COQ7: variants seen among roughly 807,000 people sequenced by gnomAD.
COQ7 encodes coenzyme Q7, hydroxylase, also known as NADPH-dependent 3-demethoxyubiquinone 3-hydroxylase, mitochondrial.
COQ7 carries 21 observed loss-of-function variants against 25.0 expected under a neutral mutation model. The observed-to-expected ratio is 0.84, with a 90% CI of 0.60 to 1.21. The LOEUF (loss-of-function observed/expected upper bound fraction) is 1.21. Among genes scored for constraint, COQ7 ranks in the 50% most tolerant of loss-of-function variants. The pLI is 0.00. For missense variants in COQ7, 311 were observed against 296.2 expected (o/e 1.05, Z -0.37); for synonymous variants, 125 against 112.4 (o/e 1.11, Z -0.71).
chr16:19,067,891 T>C (rs1962312200), intron 1 of COQ7, 154 bp downstream of exon 1: 12 of 1,490,956 alleles, frequency 8.0e-6, no homozygotes, highest in Non-Finnish European at 1.1e-5. Context: ...TCCGGGGCGC[T>C]GGCGGGCGGG....
In COQ7 at chr16:19,078,973, C is replaced by G. The variant is rs1035368530; in HGVS notation, c.*815C>G. 4 of 152,072 alleles carry G rather than the reference C, an allele frequency of 2.6e-5. No homozygotes were observed. Among genetic ancestry groups the G allele is most frequent in the Non-Finnish European group, 5.9e-5 (4 of 68,020 alleles). 9.4% of individuals were successfully genotyped at this position (152,072 alleles called of 1,614,324 possible). A position where few individuals can be genotyped will look rare whatever the true frequency, so the allele number is the denominator to read the frequency against. ...TGGGAGAGTGCTACAGTCTGTATGTCTGTGTCTCCCTAGAATTCATACGAT... is the reference window on the plus strand; with the variant it reads ...TGGGAGAGTGCTACAGTCTGTATGTGTGTGTCTCCCTAGAATTCATACGAT... On this transcript the variant is annotated 3_prime_UTR_variant, in exon 6 of 6. Coordinates refer to ENST00000321998, the MANE Select transcript of COQ7 (RefSeq NM_016138.5).
intron 3 of COQ7, among the ~76,000 whole-genome samples, chr16:19,074,267 T>C (rs1446823829): frequency 6.6e-6 from 1 of 152,006 alleles, no homozygotes; most frequent in Non-Finnish European, 1.5e-5. Context: ...GGCTCACACC[T>C]GTAATCCCAG....
At chr16:19,074,551 A>G (rs56743170) in intron 3 of COQ7, among the ~76,000 whole-genome samples, 6,459 of 151,988 alleles carry the variant, frequency 0.042, 191 homozygotes, top group South Asian at 0.13. Flanking sequence ...AAAACAAAAA[A>G]AAACAAACCA....
chr16:19,080,704 T>C (rs1237601696), downstream of COQ7, among the ~76,000 whole-genome samples: 1 of 152,136 alleles, frequency 6.6e-6, no homozygotes, highest in East Asian at 1.9e-4. Context: ...CAAAATTGTA[T>C]AAGATTTCTA....
At chr16:19,069,304 T>C (rs1275721700) in intron 1 of COQ7, among the ~76,000 whole-genome samples, 1 of 152,174 alleles carries the variant, frequency 6.6e-6, no homozygotes, top group South Asian at 2.1e-4. Context: ...CATTTCTGTT[T>C]ATAAAGTTAC....
At chr16:19,069,797 T>A (rs114460852) in intron 1 of COQ7, among the ~76,000 whole-genome samples, 2,142 of 152,038 alleles carry the variant, frequency 0.014, 41 homozygotes, top group African/African-American at 0.049. Flanking sequence ...TTTTTTTCTT[T>A]TTTTGAGACA....
downstream of COQ7, among the ~76,000 whole-genome samples, chr16:19,080,739 T>G (rs1354612236): frequency 6.6e-6 from 1 of 152,160 alleles, no homozygotes; most frequent in Non-Finnish European, 1.5e-5. Flanking sequence ...GAGTATATGA[T>G]ATCAATTATA....
chr16:19,080,687 T>C (rs1003236555), downstream of COQ7, among the ~76,000 whole-genome samples: 2 of 152,062 alleles, frequency 1.3e-5, no homozygotes, highest in East Asian at 1.9e-4. Context: ...TATATTAATA[T>C]ATGTTCCAAA....
intron 1 of COQ7, among the ~76,000 whole-genome samples, chr16:19,071,198 C>T (rs181912779): frequency 2.1e-4 from 32 of 152,274 alleles, no homozygotes; most frequent in Non-Finnish European, 4.4e-4. Context: ...TGCAGTGGCA[C>T]GATCTTGGCT....
chr16:19,070,025 C>T (rs1962474003), intron 1 of COQ7, among the ~76,000 whole-genome samples: 1 of 151,238 alleles, frequency 6.6e-6, no homozygotes, highest in East Asian at 2.0e-4. Context: ...CTCAAGCAGT[C>T]CACCTGCCTC....
chr16:19,074,234 T>A (rs1962715542), intron 3 of COQ7, 199 bp downstream of exon 3: 31 of 422,636 alleles, frequency 7.3e-5, no homozygotes, highest in East Asian at 1.7e-4. Flanking sequence ...GTCAGTACTT[T>A]AAAAAAAAAG....
intron 1 of COQ7, chr16:19,068,919 A>T: frequency 2.3e-6 from 1 of 440,824 alleles, no homozygotes; most frequent in South Asian, 1.7e-5. Flanking sequence ...TTAAAAAGTT[A>T]TGAAATTGTA....
rs1292084942 is a variant in COQ7 at position 19,078,243 on chromosome 16, T to C, written c.*85T>C. On this transcript the variant is annotated 3_prime_UTR_variant, in exon 6 of 6. Transcript: ENST00000321998. ...AGAGAAACAGGTGTACAGTTATCGT[T>C]GTACTTTTGTACAATGTGAATTTTG... 3 of 936,514 alleles carry C rather than the reference T, an allele frequency of 3.2e-6. No homozygotes were observed. Among genetic ancestry groups the C allele is most frequent in the Admixed American group, 5.9e-5 (2 of 33,726 alleles). 58.0% of individuals were successfully genotyped at this position (936,514 alleles called of 1,614,324 possible). A position where few individuals can be genotyped will look rare whatever the true frequency, so the allele number is the denominator to read the frequency against.
chr16:19,081,252 G>A (rs1384957622), downstream of COQ7, among the ~76,000 whole-genome samples: 2 of 152,124 alleles, frequency 1.3e-5, no homozygotes, highest in East Asian at 3.9e-4. Flanking sequence ...GTATTCTTAT[G>A]GCAATGTAGT....
chr16:19,082,824 A>AAT (rs55960142), downstream of COQ7, among the ~76,000 whole-genome samples: 134 of 151,820 alleles, frequency 8.8e-4, 1 homozygote, highest in South Asian at 0.027. Context: ...CAATTTTAAA[A>AAT]CATGCTAAGT....
chr16:19,083,091 T>C (rs1963121219), downstream of COQ7, among the ~76,000 whole-genome samples: 1 of 152,184 alleles, frequency 6.6e-6, no homozygotes, highest in African/African-American at 2.4e-5. Flanking sequence ...TTGTGAATTG[T>C]ATGGCATGTA....
chr16:19,074,399 C>T (rs919173976), intron 3 of COQ7, among the ~76,000 whole-genome samples: 22 of 151,890 alleles, frequency 1.4e-4, no homozygotes, highest in Non-Finnish European at 2.6e-4. Context: ...GTGGTGCGTG[C>T]CTGTAATCCC....
rs745987485 is a variant in COQ7, at chr16:19,078,154, TA to T, written c.651del (p.Leu217PhefsTer13). 6.2e-7 allele frequency: 1 copy of T among 1,610,404 alleles called. No individual in the cohort carries two copies. Among genetic ancestry groups the T allele is most frequent in the Admixed American group, 1.7e-5 (1 of 59,400 alleles). ...CRVAIYLSERL is the reference protein window; with the variant it reads ...CRVAIYLSERX ...GTGGCGATATATTTATCAGAAAGATTATAAAGTGTGTCCAGTTTTGCCTGTC... is the reference window on the plus strand; with the variant it reads ...GTGGCGATATATTTATCAGAAAGATTTAAAGTGTGTCCAGTTTTGCCTGTC... On this transcript the variant is annotated frameshift_variant, in exon 6 of 6. Coordinates refer to ENST00000321998, the MANE Select transcript of COQ7 (RefSeq NM_016138.5). LOFTEE classifies it high-confidence loss of function.
chr16:19,080,393 T>C (rs1366460176), downstream of COQ7, among the ~76,000 whole-genome samples: 1 of 152,234 alleles, frequency 6.6e-6, no homozygotes, highest in Non-Finnish European at 1.5e-5. Context: ...TCCCTTTTAA[T>C]GGGTAAAGGT....
Sources: gnomAD v4.1 joint callset for allele counts (sites outside exome capture counted in the v4.1 genomes callset) on GRCh38, gnomAD v4.1.1 for gene constraint, MANE v1.5 for transcripts, NCBI Gene and HGNC (gene_info 2026-07-23, HGNC 2026-07-21) for gene names.